CCDC80: variants seen among roughly 807,000 people sequenced by gnomAD.
CCDC80 encodes coiled-coil domain containing 80.
Under a neutral mutation model 78.7 loss-of-function variants are expected in CCDC80, and 49 were observed. The ratio of observed to expected loss-of-function variants is 0.62; its 90% CI spans 0.50 to 0.79. The LOEUF is 0.79. CCDC80 is among the 30% of genes least tolerant of loss of function. The pLI is 0.00. For missense variants in CCDC80, 1,205 were observed against 1,198.6 expected, an observed-to-expected ratio of 1.01 and a Z score of -0.08; for synonymous variants, 488 against 447.0, an observed-to-expected ratio of 1.09 and a Z score of -1.16.
chr3:112,626,448 G>A (rs1268613498), intron 3 of CCDC80, among the ~76,000 whole-genome samples: 1 of 151,076 alleles, frequency 6.6e-6, no homozygotes, highest in Admixed American at 6.6e-5. Context: ...GATGACTGAG[G>A]TTTCTCTAGA....
chr3:112,639,615 G>A lies in CCDC80; in HGVS notation c.291C>T (p.Ile97=). The change falls in exon 2 of 8, where the codon ATC becomes ATT. Residue 97 remains isoleucine, a synonymous_variant. Coordinates refer to ENST00000206423, the MANE Select transcript of CCDC80 (RefSeq NM_199511.3). ...RPTEPPARSD[I]NGAAVRPEQR... ...GCTCAGGTCTCACGGCGGCCCCATT[G>A]ATGTCCGAGCGGGCTGGCGGCTCTG... 1 of 1,614,168 alleles carries A rather than the reference G, an allele frequency of 6.2e-7. No homozygotes were observed. The highest frequency in any genetic ancestry group is 1.7e-5 in the Admixed American group (1 of 60,028).
chr3:112,616,916 A>T, intron 4 of CCDC80, 58 bp from the exon 5 acceptor site: 2 of 1,527,190 alleles, frequency 1.3e-6, no homozygotes, highest in Non-Finnish European at 9.0e-7. Flanking sequence ...CTCTCTATTC[A>T]GAGGATAGAG....
chr3:112,610,920 T>C (rs1227114912), intron 5 of CCDC80, among the ~76,000 whole-genome samples: 7 of 145,968 alleles, frequency 4.8e-5, no homozygotes, highest in African/African-American at 1.8e-4. Context: ...TCTTTCTTTT[T>C]TTTTTTTTTT....
chr3:112,640,026 G>T, intron 1 of CCDC80, 110 bp from the exon 2 acceptor site: 1 of 1,445,376 alleles, frequency 6.9e-7, no homozygotes, highest in South Asian at 1.5e-5. Flanking sequence ...TCAGCCAAGG[G>T]GAGGGGAAAA....
rs753774790 is a variant in CCDC80 at position 112,639,636 on chromosome 3, C to A, written c.270G>T (p.Glu90Asp). ...CATTGATGTCCGAGCGGGCTGGCGG[C>A]TCTGTTGGGCGAGCTAGTCTCAACA... ...VPVLRLARPT[E>D]PPARSDINGA... The change falls in exon 2 of 8, where the codon GAG (glutamate) becomes GAT (aspartate). Residue 90 changes from glutamate (E) to aspartate (D), a missense_variant. Glu to Asp is a conservative substitution (Grantham distance 45, BLOSUM62 2). Coordinates refer to ENST00000206423, the MANE Select transcript of CCDC80 (RefSeq NM_199511.3). 3.1e-6 allele frequency: 5 copies of A among 1,614,036 alleles called. No homozygotes were observed. Among genetic ancestry groups the A allele is most frequent in the Non-Finnish European group, 4.2e-6 (5 of 1,180,034 alleles).
chr3:112,612,365 A>G (rs1367133972), intron 5 of CCDC80, among the ~76,000 whole-genome samples: 1 of 152,032 alleles, frequency 6.6e-6, no homozygotes, highest in African/African-American at 2.4e-5. Context: ...TTGTTTACCT[A>G]TGTGCACACT....
At chr3:112,635,523 T>C (rs1936190495) in intron 2 of CCDC80, among the ~76,000 whole-genome samples, 1 of 152,216 alleles carries the variant, frequency 6.6e-6, no homozygotes, top group South Asian at 2.1e-4. Context: ...ATTGGTCTCC[T>C]CTCTGGCGAA....
rs1253078189 is a variant in CCDC80, at chr3:112,638,247, CT to C, written c.1658del (p.Lys553ArgfsTer2). 6.2e-7 allele frequency: 1 copy of C among 1,613,278 alleles called. No individual in the cohort carries two copies. The highest frequency in any genetic ancestry group is 8.5e-7 in the Non-Finnish European group (1 of 1,179,412). On this transcript the variant is annotated frameshift_variant, in exon 2 of 8. Transcript: ENST00000206423. LOFTEE classifies it high-confidence loss of function. The stretch of plus-strand genomic sequence containing the variant: ...ACTTGTCTGCGTTCTCATTCTTCAT[CT>C]TTTTTTTCTTCTCCTTCTCTGGTTT... Reference protein sequence around the residue: ...LEKPEKEKKKKMKNENADKLL... With the variant: ...LEKPEKEKKKXMKNENADKLL...
At chr3:112,615,208 C>A (rs1424712041) in intron 5 of CCDC80, among the ~76,000 whole-genome samples, 1 of 152,126 alleles carries the variant, frequency 6.6e-6, no homozygotes, top group Non-Finnish European at 1.5e-5. Context: ...TCCCAGAAGA[C>A]CCAAGCCTCA....
intron 4 of CCDC80, among the ~76,000 whole-genome samples, chr3:112,617,591 T>C (rs527654184): frequency 6.6e-6 from 1 of 152,330 alleles, no homozygotes; most frequent in Non-Finnish European, 1.5e-5. Context: ...TGGCCCAACC[T>C]CTCTCATTAG....
At chr3:112,635,911 G>C (rs1465710960) in intron 2 of CCDC80, among the ~76,000 whole-genome samples, 1 of 152,210 alleles carries the variant, frequency 6.6e-6, no homozygotes, top group Non-Finnish European at 1.5e-5. Flanking sequence ...GGAGTGGGGA[G>C]AAGGAGGGAG....
rs539191910 is a variant in CCDC80, at chr3:112,598,973, G to C, written c.*6444C>G. 7 of 152,336 alleles carry C rather than the reference G, an allele frequency of 4.6e-5. No individual in the cohort carries two copies. The highest frequency in any genetic ancestry group is 1.0e-4 in the Non-Finnish European group (7 of 68,044). The allele number at this position is 152,336 out of a possible 1,614,324, so 9.4% of individuals were successfully genotyped here. On this transcript the variant is annotated 3_prime_UTR_variant, in exon 8 of 8. Coordinates refer to ENST00000206423, the MANE Select transcript of CCDC80 (RefSeq NM_199511.3). ...AAAATCTGGAACTGGGTTCTGAACT[G>C]AGAAGTCTGGGTTCCCTGAGAATTG...
At chr3:112,611,501 G>T (rs116526922) in intron 5 of CCDC80, among the ~76,000 whole-genome samples, 1 of 152,112 alleles carries the variant, frequency 6.6e-6, no homozygotes, top group Non-Finnish European at 1.5e-5. Flanking sequence ...GTGAGGCTGC[G>T]GATTATTTTC....
rs534798511 is a variant in CCDC80 at position 112,604,887 on chromosome 3, C to T, written c.*530G>A. 29 of 152,242 alleles carry T rather than the reference C, an allele frequency of 1.9e-4. No homozygotes were observed. The highest frequency in any genetic ancestry group is 6.7e-4 in the African/African-American group (28 of 41,528). 9.4% of individuals were successfully genotyped at this position (152,242 alleles called of 1,614,324 possible). On this transcript the variant is annotated 3_prime_UTR_variant, in exon 8 of 8. Coordinates refer to ENST00000206423, the MANE Select transcript of CCDC80 (RefSeq NM_199511.3). ...TTTGTGGCCAATATTACTGGACTCC[C>T]GTGGTATCAAGTTTCATAAAAGAAA... is the stretch of plus-strand genomic sequence containing the variant.
At chr3:112,628,921 G>A (rs1204990988) in intron 3 of CCDC80, among the ~76,000 whole-genome samples, 1 of 152,020 alleles carries the variant, frequency 6.6e-6, no homozygotes, top group African/African-American at 2.4e-5. Flanking sequence ...GTACAATATT[G>A]TACCTATAGT....
At position 112,639,335 on chromosome 3, in the gene CCDC80, G is replaced by A; in HGVS notation, c.571C>T (p.His191Tyr). 1 of 1,614,122 alleles carries A rather than the reference G, an allele frequency of 6.2e-7. No individual in the cohort carries two copies. The highest frequency in any genetic ancestry group is 1.3e-5 in the African/African-American group (1 of 75,010). Residue 191 changes from histidine (H) to tyrosine (Y), a missense_variant, in exon 2 of 8, where the codon CAC becomes TAC. Physicochemically the swap from His to Tyr is moderately conservative, Grantham distance 83 (BLOSUM62 2). Transcript: ENST00000206423. ...ERHIQQIVLFHQAGEEGGKVR... is the reference protein window; with the variant it reads ...ERHIQQIVLFYQAGEEGGKVR... ...TTGCCTCCTTCCTCACCTGCCTGGT[G>A]GAAGAGCACAATCTGTTGGATGTGC...
In CCDC80 at chr3:112,639,316, C is replaced by T. The variant is rs372675919; in HGVS notation, c.590G>A (p.Gly197Glu). Reference protein sequence around the residue: ...IVLFHQAGEEGGKVRRITSEG... With the variant: ...IVLFHQAGEEEGKVRRITSEG... ...GCTGGTGATCCTTCTCACCTTGCCT[C>T]CTTCCTCACCTGCCTGGTGGAAGAG... Residue 197 changes from glycine to glutamate, a missense_variant, in exon 2 of 8, where the codon GGA becomes GAA. Coordinates refer to ENST00000206423, the MANE Select transcript of CCDC80 (RefSeq NM_199511.3). The T allele has an allele frequency of 5.0e-6, 8 of 1,614,198 alleles. No homozygotes were observed. In the East Asian group the frequency reaches 6.7e-5, roughly 13 times the overall value.
intron 2 of CCDC80, among the ~76,000 whole-genome samples, chr3:112,637,411 G>A (rs1305851389): frequency 6.6e-6 from 1 of 152,092 alleles, no homozygotes; most frequent in Non-Finnish European, 1.5e-5. Flanking sequence ...AAAAGGATCC[G>A]TGAGGGTCAT....
Position 112,630,175 on chromosome 3 carries a change from G to C in CCDC80, c.1973C>G (p.Ser658Cys). Residue 658 changes from serine (S) to cysteine (C), a missense_variant, in exon 3 of 8, where the codon TCT (serine) becomes TGT (cysteine). Ser to Cys is a moderately radical substitution (Grantham distance 112, BLOSUM62 -1). Transcript: ENST00000206423. ...GACAGGGCCGAAGATGGTGATCACA[G>C]AGATTTTCCTGGTAGCCATCTTGCA... ...SFCKMATRKI[S>C]VITIFGPVNN... is the part of the protein sequence containing the mutation. 1.2e-6 allele frequency: 2 copies of C among 1,613,946 alleles called. No individual in the cohort carries two copies. Among genetic ancestry groups the C allele is most frequent in the Non-Finnish European group, 1.7e-6 (2 of 1,179,854 alleles).
Sources: gnomAD v4.1 joint callset for allele counts (sites outside exome capture counted in the v4.1 genomes callset) on GRCh38, gnomAD v4.1.1 for gene constraint, MANE v1.5 for transcripts, NCBI Gene and HGNC (gene_info 2026-07-23, HGNC 2026-07-21) for gene names.